TTC23: variants seen among roughly 807,000 people sequenced by gnomAD.
The protein encoded by TTC23 is tetratricopeptide repeat protein 23.
A neutral mutation model predicts 55.1 loss-of-function variants in TTC23; 58 were observed. The observed-to-expected ratio is 1.05, with a 90% CI of 0.85 to 1.31. The LOEUF (loss-of-function observed/expected upper bound fraction) is 1.31, where lower values mean the gene tolerates loss of function less well. TTC23 is among the 50% of genes most tolerant of loss of function. The pLI, the probability that TTC23 is intolerant of heterozygous loss-of-function variation, is 0.00. For missense variants in TTC23, 516 were observed against 534.4 expected (o/e 0.97, Z 0.34); for synonymous variants, 203 against 199.9 (o/e 1.02, Z -0.13).
intron 4 of TTC23, among the ~76,000 whole-genome samples, chr15:99,229,066 ATATG>A (rs2078719653): frequency 8.8e-6 from 1 of 114,024 alleles, no homozygotes; most frequent in Non-Finnish European, 1.9e-5. Context: ...TAGCACATAC[ATATG>A]TATTTGTATG....
intron 2 of TTC23, among the ~76,000 whole-genome samples, chr15:99,243,425 G>A (rs139392805): frequency 1.4e-4 from 22 of 152,280 alleles, no homozygotes; most frequent in Non-Finnish European, 2.5e-4. Flanking sequence ...CCACTGTGGA[G>A]AACAGTATGG....
intron 9 of TTC23, among the ~76,000 whole-genome samples, chr15:99,192,711 T>C (rs1356429529): frequency 2.0e-5 from 3 of 152,030 alleles, no homozygotes; most frequent in Non-Finnish European, 4.4e-5. Flanking sequence ...CCACACAGGG[T>C]CCCTACTGGG....
At chr15:99,234,840 TAGTA>T (rs1340068171) in intron 4 of TTC23, 144 bp downstream of exon 4, 2 of 152,088 alleles carry the variant, frequency 1.3e-5, no homozygotes, top group South Asian at 2.1e-4. Context: ...AGACTTATTG[TAGTA>T]AGTGTTGATG....
intron 11 of TTC23, chr15:99,157,737 G>T (rs956017161): frequency 3.3e-5 from 5 of 152,138 alleles, no homozygotes; most frequent in African/African-American, 1.2e-4. Flanking sequence ...ATACTAACAT[G>T]GAATAAAAAT....
chr15:99,156,012 C>T, intron 12 of TTC23, 136 bp downstream of exon 12: 1 of 1,207,830 alleles, frequency 8.3e-7, no homozygotes, highest in South Asian at 1.5e-5. Flanking sequence ...TTAGATCTAC[C>T]ACAAAAGTGA....
chr15:99,155,946 TAA>T, intron 12 of TTC23, 200 bp downstream of exon 12: 1 of 610,526 alleles, frequency 1.6e-6, no homozygotes, highest in Non-Finnish European at 2.8e-6. Flanking sequence ...ATAATTCATT[TAA>T]AAAATATGTA....
chr15:99,219,989 A>G (rs963749911), intron 6 of TTC23, among the ~76,000 whole-genome samples: 1 of 148,896 alleles, frequency 6.7e-6, no homozygotes, highest in Non-Finnish European at 1.5e-5. Context: ...GTCTTATTAC[A>G]TATTTTTAAA....
At chr15:99,180,874 G>A (rs2074048021) in intron 9 of TTC23, among the ~76,000 whole-genome samples, 2 of 152,208 alleles carry the variant, frequency 1.3e-5, no homozygotes, top group Admixed American at 1.3e-4. Flanking sequence ...TCAGCGAGGA[G>A]ACAATAGAAG....
intron 9 of TTC23, among the ~76,000 whole-genome samples, chr15:99,176,698 C>T (rs891198159): frequency 2.0e-5 from 3 of 152,154 alleles, no homozygotes; most frequent in Non-Finnish European, 2.9e-5. Flanking sequence ...ATGTAAGCTG[C>T]ACTTTAATTC....
intron 9 of TTC23, among the ~76,000 whole-genome samples, chr15:99,196,094 G>A (rs2075680320): frequency 6.6e-6 from 1 of 151,232 alleles, no homozygotes; most frequent in Non-Finnish European, 1.5e-5. Flanking sequence ...GAAGGCTGCA[G>A]TGAGCCAAGA....
chr15:99,234,151 T>A (rs1007689086), intron 4 of TTC23, among the ~76,000 whole-genome samples: 4 of 152,116 alleles, frequency 2.6e-5, no homozygotes, highest in African/African-American at 9.7e-5. Flanking sequence ...CCAAAAAGAA[T>A]CATTAAAAGA....
At chr15:99,143,218 A>T (rs1033718582) in intron 12 of TTC23, among the ~76,000 whole-genome samples, 3 of 152,240 alleles carry the variant, frequency 2.0e-5, no homozygotes, top group African/African-American at 7.2e-5. Context: ...CCCATTATGG[A>T]CTTCTACTAG....
chr15:99,238,434 G>C (rs1055961531), intron 3 of TTC23, among the ~76,000 whole-genome samples: 21 of 152,168 alleles, frequency 1.4e-4, no homozygotes, highest in African/African-American at 4.8e-4. Context: ...AAAATTGCTA[G>C]AAGAGTGGCA....
At chr15:99,202,451 A>C (rs1051392710) in intron 8 of TTC23, among the ~76,000 whole-genome samples, 3 of 152,358 alleles carry the variant, frequency 2.0e-5, no homozygotes, top group Middle Eastern at 3.4e-3. Context: ...TTTTAAAGAA[A>C]GCAGTATTTA....
intron 10 of TTC23, among the ~76,000 whole-genome samples, chr15:99,170,641 T>G (rs145637038): frequency 6.6e-6 from 1 of 152,222 alleles, no homozygotes; most frequent in Non-Finnish European, 1.5e-5. Flanking sequence ...CAAAGATACG[T>G]TGCAAATTGC....
At chr15:99,165,944 G>GAAC (rs1488295122) in intron 10 of TTC23, among the ~76,000 whole-genome samples, 2 of 152,174 alleles carry the variant, frequency 1.3e-5, no homozygotes, top group African/African-American at 4.8e-5. Flanking sequence ...CTGGCTGATT[G>GAAC]GGAGTCAACT....
chr15:99,163,616 TC>T (rs1567367074), intron 10 of TTC23, among the ~76,000 whole-genome samples: 1 of 152,198 alleles, frequency 6.6e-6, no homozygotes, highest in Non-Finnish European at 1.5e-5. Flanking sequence ...AATATTTATG[TC>T]CCCCTCAAAT....
Position 99,200,001 on chromosome 15 carries a change from TC to T in TTC23, c.676del (p.Glu226SerfsTer6). 6.2e-7 allele frequency: 1 copy of T among 1,614,150 alleles called. No homozygotes were observed. Among genetic ancestry groups the T allele is most frequent in the Non-Finnish European group, 8.5e-7 (1 of 1,180,020 alleles). On this transcript the variant is annotated frameshift_variant, in exon 9 of 14. Coordinates refer to ENST00000394132, the MANE Select transcript of TTC23 (RefSeq NM_001288615.3). LOFTEE classifies it high-confidence loss of function. ...VEISKGETSR[E>X]CVPILRELAG... ...TAATTCTCTCAATATGGGTACACAC[TC>T]ACGACTTGTTTCACCTTTACTGATC...
chr15:99,173,678 T>A lies in TTC23; in HGVS notation c.865+1372A>T, dbSNP rs1049521206. ...TCTTAAAAAAGGAGCTCTGCCAATATAAGCCTCCCTTCCACATGGCTGCCA... is the reference window on the plus strand; with the variant it reads ...TCTTAAAAAAGGAGCTCTGCCAATAAAAGCCTCCCTTCCACATGGCTGCCA... On this transcript the variant is annotated intron_variant, in intron 10 of 13. Coordinates refer to ENST00000394132, the MANE Select transcript of TTC23 (RefSeq NM_001288615.3). 2.6e-5 allele frequency among the ~76,000 whole-genome samples: 4 copies of A among 152,206 alleles called. No homozygotes were observed. In the South Asian group the frequency reaches 8.3e-4, roughly 31 times the overall value.
Sources: allele counts gnomAD v4.1 joint callset (sites outside exome capture counted in the v4.1 genomes callset), GRCh38; gene constraint gnomAD v4.1.1; transcripts MANE v1.5; gene names NCBI Gene and HGNC (gene_info 2026-07-23, HGNC 2026-07-21).